WLS: variants seen among roughly 807,000 people sequenced by gnomAD.
The protein encoded by WLS is protein wntless homolog.
In WLS, 23 loss-of-function variants were observed where a neutral mutation model predicts 62.8. That is an observed-to-expected ratio of 0.37 (90% confidence interval 0.26 to 0.52). The LOEUF (loss-of-function observed/expected upper bound fraction) is 0.52, where lower values mean the gene tolerates loss of function less well. WLS is among the 20% of genes least tolerant of loss of function. The probability of loss-of-function intolerance (pLI) is 0.92; values close to 1 mark genes in which losing one functional copy is unlikely to be tolerated. For synonymous variants in WLS, 246 were observed against 244.1 expected, an observed-to-expected ratio of 1.01 and a Z score of -0.07; for missense variants, 615 against 697.3, an observed-to-expected ratio of 0.88 and a Z score of 1.33.
chr1:68,211,388 AC>A (rs1649510866), intron 1 of WLS, among the ~76,000 whole-genome samples: 1 of 145,094 alleles, frequency 6.9e-6, no homozygotes, highest in Non-Finnish European at 1.5e-5. Flanking sequence ...TTCTTAAAAA[AC>A]AACAAAATCT....
intron 11 of WLS, among the ~76,000 whole-genome samples, chr1:68,100,196 A>AG (rs1403653217): frequency 1.3e-5 from 2 of 152,248 alleles, no homozygotes. Flanking sequence ...CTGAAAGTCT[A>AG]GGGGCCAAGC....
intron 11 of WLS, among the ~76,000 whole-genome samples, chr1:68,114,262 C>T (rs1646263075): frequency 6.6e-6 from 1 of 152,192 alleles, no homozygotes; most frequent in South Asian, 2.1e-4. Context: ...GACTCGGAGA[C>T]TGCCAGCTAC....
intron 11 of WLS, among the ~76,000 whole-genome samples, chr1:68,113,086 A>T (rs1646248684): frequency 6.6e-6 from 1 of 152,200 alleles, no homozygotes; most frequent in South Asian, 2.1e-4. Context: ...CATGCTCCTT[A>T]GTCCCACCAC....
At chr1:68,148,224 G>A in intron 7 of WLS, 25 bp from the exon 8 acceptor site, 1 of 1,611,828 alleles carries the variant, frequency 6.2e-7, no homozygotes, top group South Asian at 1.1e-5. Flanking sequence ...AGATGGAAAG[G>A]CAAGACACAA....
At chr1:68,226,138 G>A (rs1159120517) in intron 1 of WLS, among the ~76,000 whole-genome samples, 2 of 152,124 alleles carry the variant, frequency 1.3e-5, no homozygotes, top group African/African-American at 4.8e-5. Context: ...GATGTTACCT[G>A]ATTATAAAAA....
At position 68,118,875 on chromosome 1, in the gene WLS, C is replaced by CAAAAAA. The variant is rs33982774; in HGVS notation, c.1510+18899_1510+18904dup. Among the ~76,000 whole-genome samples the CAAAAAA allele has an allele frequency of 1.5e-4, 4 of 26,384 alleles. 1 individual carries two copies. The highest frequency in any genetic ancestry group is 2.1e-4 in the Non-Finnish European group (3 of 14,368). 17.3% of individuals were successfully genotyped at this position (26,384 alleles called of 152,430 possible). A position where few individuals can be genotyped will look rare whatever the true frequency, so the allele number is the denominator to read the frequency against. On this transcript the variant is annotated intron_variant, in intron 11 of 11. Transcript: ENST00000354777. ...CTGGGTGACGAGCAAGACTCTGTCTCAAAAAAAAAAAAAAAAAAAAAAAAA... is the reference window on the plus strand; with the variant it reads ...CTGGGTGACGAGCAAGACTCTGTCTCAAAAAAAAAAAAAAAAAAAAAAAAAAAAAAA...
At chr1:68,163,124 G>A (rs956027188) in intron 2 of WLS, 15 of 1,432,760 alleles carry the variant, frequency 1.0e-5, no homozygotes, top group Non-Finnish European at 1.5e-5. Flanking sequence ...CAGATCAAAA[G>A]GCAAAGCAGT....
At chr1:68,146,672 G>A (rs891966716) in intron 8 of WLS, among the ~76,000 whole-genome samples, 1 of 152,290 alleles carries the variant, frequency 6.6e-6, no homozygotes, top group Admixed American at 6.5e-5. Context: ...GCAATCTTCT[G>A]TCACCACAGA....
At chr1:68,116,845 G>A (rs1646298793) in intron 11 of WLS, among the ~76,000 whole-genome samples, 1 of 152,022 alleles carries the variant, frequency 6.6e-6, no homozygotes. Context: ...CCAGCAGAGG[G>A]CAGCAAATAG....
At chr1:68,155,915 C>G (rs1646891028) in intron 3 of WLS, among the ~76,000 whole-genome samples, 1 of 152,124 alleles carries the variant, frequency 6.6e-6, no homozygotes, top group African/African-American at 2.4e-5. Flanking sequence ...CCGGTGCTTC[C>G]TAACAGTCCA....
chr1:68,178,715 A>AAAAAAAAG (rs1553132467), intron 2 of WLS, among the ~76,000 whole-genome samples: 4 of 151,914 alleles, frequency 2.6e-5, no homozygotes, highest in African/African-American at 7.3e-5. Context: ...CAAAAAAAAA[A>AAAAAAAAG]AAAAGAAAAG....
intron 2 of WLS, among the ~76,000 whole-genome samples, chr1:68,167,364 G>T (rs938584904): frequency 1.3e-5 from 2 of 152,170 alleles, no homozygotes; most frequent in Non-Finnish European, 2.9e-5. Context: ...TACCTGAATT[G>T]TTTTCTCTTC....
chr1:68,156,379 A>G (rs915119070), intron 3 of WLS, among the ~76,000 whole-genome samples: 1 of 152,234 alleles, frequency 6.6e-6, no homozygotes, highest in Non-Finnish European at 1.5e-5. Context: ...GTGAGAAGAA[A>G]GAAGATAACA....
At chr1:68,139,090 G>A (rs1864570) in intron 10 of WLS, among the ~76,000 whole-genome samples, 144,995 of 152,296 alleles carry the variant, frequency 0.95, 69,244 homozygotes, top group Non-Finnish European at 0.99. Context: ...AACCACATTA[G>A]CCAATTATAG....
At chr1:68,224,778 G>T (rs1037466216) in intron 1 of WLS, among the ~76,000 whole-genome samples, 3 of 151,962 alleles carry the variant, frequency 2.0e-5, no homozygotes, top group East Asian at 1.9e-4. Context: ...ACGAAAAGGT[G>T]GGGGGGATTG....
At chr1:68,099,146 G>A (rs1033856228) in intron 11 of WLS, among the ~76,000 whole-genome samples, 6 of 152,100 alleles carry the variant, frequency 3.9e-5, no homozygotes, top group Non-Finnish European at 8.8e-5. Context: ...GGGGGATACA[G>A]CAAGCCACTT....
At chr1:68,156,730 T>C (rs2566792) in intron 3 of WLS, among the ~76,000 whole-genome samples, 2,684 of 152,314 alleles carry the variant, frequency 0.018, 80 homozygotes, top group African/African-American at 0.062. Flanking sequence ...AAACCTCAGC[T>C]GCAGGTCAGA....
At chr1:68,183,443 G>A in intron 2 of WLS, 1 of 440,542 alleles carries the variant, frequency 2.3e-6, no homozygotes, top group Non-Finnish European at 4.7e-6. Flanking sequence ...AGTTCTTATA[G>A]TGTATAAAAT....
At chr1:68,228,326 T>C in intron 1 of WLS, 1 of 382,590 alleles carries the variant, frequency 2.6e-6, no homozygotes, top group Non-Finnish European at 5.1e-6. Flanking sequence ...TTAGAAGAGC[T>C]GAGAACAGTG....
Sources: gnomAD v4.1 joint callset for allele counts (sites outside exome capture counted in the v4.1 genomes callset) on GRCh38, gnomAD v4.1.1 for gene constraint, MANE v1.5 for transcripts, NCBI Gene and HGNC (gene_info 2026-07-23, HGNC 2026-07-21) for gene names.